FMNL2: variants seen among roughly 807,000 people sequenced by gnomAD.
FMNL2 encodes formin like 2, also known as formin-like protein 2.
In FMNL2, 51 loss-of-function variants were observed where a neutral mutation model predicts 130.2. The ratio of observed to expected loss-of-function variants is 0.39; its 90% CI spans 0.31 to 0.49. The LOEUF (loss-of-function observed/expected upper bound fraction) is 0.49. FMNL2 is among the 20% of genes least tolerant of loss of function. The probability of loss-of-function intolerance (pLI) is 0.85; values close to 1 mark genes in which losing one functional copy is unlikely to be tolerated. For synonymous variants in FMNL2, 465 were observed against 467.1 expected (o/e 1.00, Z 0.06); for missense variants, 977 against 1,316.2 (o/e 0.74, Z 3.99).
chr2:152,384,411 AGACATC>A (rs1684667928), intron 1 of FMNL2, among the ~76,000 whole-genome samples: 1 of 152,174 alleles, frequency 6.6e-6, no homozygotes, highest in African/African-American at 2.4e-5. Context: ...ATTGGGGTGT[AGACATC>A]GATATTGCTG....
intron 1 of FMNL2, among the ~76,000 whole-genome samples, 163 bp downstream of exon 1, chr2:152,335,883 C>T (rs1478953766): frequency 6.6e-6 from 1 of 151,554 alleles, no homozygotes; most frequent in Non-Finnish European, 1.5e-5. Context: ...TCCTCTTCAC[C>T]CCCCTGGCAG....
intron 1 of FMNL2, among the ~76,000 whole-genome samples, chr2:152,495,080 C>T (rs1481270582): frequency 6.6e-6 from 1 of 152,084 alleles, no homozygotes; most frequent in Admixed American, 6.5e-5. Flanking sequence ...TTGGAACACC[C>T]GATTTGTCTA....
At chr2:152,447,023 A>T (rs539060999) in intron 1 of FMNL2, among the ~76,000 whole-genome samples, 7 of 152,136 alleles carry the variant, frequency 4.6e-5, no homozygotes, top group Admixed American at 6.6e-5. Flanking sequence ...TAGTAAAGAG[A>T]TGATATTTAC....
At chr2:152,430,415 C>T (rs1283285569) in intron 1 of FMNL2, among the ~76,000 whole-genome samples, 2 of 152,178 alleles carry the variant, frequency 1.3e-5, no homozygotes. Flanking sequence ...GGTGTGTTAA[C>T]TCATTTAATT....
chr2:152,484,354 T>G (rs1246546014), intron 1 of FMNL2, among the ~76,000 whole-genome samples: 1 of 152,100 alleles, frequency 6.6e-6, no homozygotes, highest in Non-Finnish European at 1.5e-5. Context: ...AAAAGAGAGA[T>G]ATTGGGCCAA....
At chr2:152,647,052 C>T (rs116640364) in intron 25 of FMNL2, among the ~76,000 whole-genome samples, 1 of 152,178 alleles carries the variant, frequency 6.6e-6, no homozygotes, top group Non-Finnish European at 1.5e-5. Context: ...ACAACTACTT[C>T]TTGCTGACGT....
At chr2:152,525,419 G>A (rs144639442) in intron 2 of FMNL2, among the ~76,000 whole-genome samples, 1 of 152,172 alleles carries the variant, frequency 6.6e-6, no homozygotes, top group Admixed American at 6.5e-5. Context: ...TGTTAGAGGT[G>A]CCATCCCTAT....
chr2:152,624,344 G>T (rs1681620917), intron 15 of FMNL2, among the ~76,000 whole-genome samples: 3 of 151,624 alleles, frequency 2.0e-5, no homozygotes, highest in African/African-American at 7.3e-5. Flanking sequence ...TTTTAGTAGA[G>T]ACAGGGTTTC....
At chr2:152,381,477 C>T (rs886583852) in intron 1 of FMNL2, among the ~76,000 whole-genome samples, 7 of 152,188 alleles carry the variant, frequency 4.6e-5, no homozygotes, top group African/African-American at 1.7e-4. Context: ...TCTTTGTTCA[C>T]AGCAGAGATC....
chr2:152,388,510 C>G (rs1684915178), intron 1 of FMNL2, among the ~76,000 whole-genome samples: 1 of 152,048 alleles, frequency 6.6e-6, no homozygotes, highest in African/African-American at 2.4e-5. Context: ...CTAACTACCC[C>G]CGTGATTCAA....
intron 1 of FMNL2, among the ~76,000 whole-genome samples, chr2:152,370,575 T>G (rs1683819803): frequency 6.6e-6 from 1 of 152,232 alleles, no homozygotes; most frequent in Admixed American, 6.5e-5. Flanking sequence ...ATTGATACTA[T>G]AAACAAGGTG....
At chr2:152,558,879 A>C (rs991102789) in intron 5 of FMNL2, 56 bp downstream of exon 5, 3 of 1,458,428 alleles carry the variant, frequency 2.1e-6, no homozygotes, top group African/African-American at 2.8e-5. Context: ...AGCAGATGCT[A>C]CTCAGTGGTA....
chr2:152,519,395 C>T (rs191057850), intron 1 of FMNL2, among the ~76,000 whole-genome samples: 37 of 152,226 alleles, frequency 2.4e-4, no homozygotes, highest in Non-Finnish European at 4.6e-4. Context: ...ATTTGTTGAA[C>T]GAAAGACTCT....
At chr2:152,612,986 C>T (rs769339946) in intron 11 of FMNL2, among the ~76,000 whole-genome samples, 1 of 152,186 alleles carries the variant, frequency 6.6e-6, no homozygotes, top group East Asian at 1.9e-4. Flanking sequence ...ACTGTACCCT[C>T]AGTTTATTAG....
chr2:152,410,155 G>C (rs1329492748), intron 1 of FMNL2, among the ~76,000 whole-genome samples: 1 of 152,150 alleles, frequency 6.6e-6, no homozygotes, highest in African/African-American at 2.4e-5. Context: ...TCAGAAAACA[G>C]CTGTCAATCC....
chr2:152,624,887 C>T (rs1271005810), intron 15 of FMNL2, among the ~76,000 whole-genome samples: 1 of 152,148 alleles, frequency 6.6e-6, no homozygotes, highest in Admixed American at 6.5e-5. Flanking sequence ...TGAAATAACC[C>T]AGCAGCCAAT....
At chr2:152,590,695 A>G (rs533873007) in intron 9 of FMNL2, among the ~76,000 whole-genome samples, 3 of 152,152 alleles carry the variant, frequency 2.0e-5, no homozygotes, top group Admixed American at 1.3e-4. Flanking sequence ...GAAGAAGGAT[A>G]AGATAAATCA....
At chr2:152,380,300 T>G (rs10931075) in intron 1 of FMNL2, among the ~76,000 whole-genome samples, 1 of 152,034 alleles carries the variant, frequency 6.6e-6, no homozygotes, top group Non-Finnish European at 1.5e-5. Flanking sequence ...TTAACCTTGG[T>G]GAGCCTTGGA....
chr2:152,351,680 A>G (rs1682494511), intron 1 of FMNL2, among the ~76,000 whole-genome samples: 1 of 152,154 alleles, frequency 6.6e-6, no homozygotes, highest in South Asian at 2.1e-4. Context: ...ATGTGTCTTT[A>G]TAGTAGAATA....
Sources: allele counts gnomAD v4.1 joint callset (sites outside exome capture counted in the v4.1 genomes callset), GRCh38; gene constraint gnomAD v4.1.1; transcripts MANE v1.5; gene names NCBI Gene and HGNC (gene_info 2026-07-23, HGNC 2026-07-21).